Variants in CORO2A observed in about 807,000 individuals in gnomAD.
The protein encoded by CORO2A is coronin-2A.
In CORO2A, 47 loss-of-function variants were observed where a neutral mutation model predicts 62.4. That is an observed-to-expected ratio of 0.75 (90% CI 0.60 to 0.96). CORO2A has a LOEUF of 0.96. CORO2A is among the 40% of genes least tolerant of loss of function. CORO2A has a pLI of 0.00. For missense variants in CORO2A, 610 were observed against 684.1 expected (o/e 0.89, Z 1.21); for synonymous variants, 273 against 268.9 (o/e 1.02, Z -0.15).
intron 1 of CORO2A, among the ~76,000 whole-genome samples, chr9:98,177,599 T>C (rs938099417): frequency 1.3e-5 from 2 of 150,962 alleles, no homozygotes; most frequent in Non-Finnish European, 2.9e-5. Flanking sequence ...CCAGAGAAAC[T>C]GGGATTACAG....
intron 10 of CORO2A, 49 bp downstream of exon 10, chr9:98,128,121 C>A (rs2231668): frequency 1.3e-6 from 2 of 1,487,766 alleles, no homozygotes; most frequent in Non-Finnish European, 1.9e-6. Context: ...CCACTGGGCA[C>A]GCCATGTTCC....
chr9:98,150,437 T>C (rs545160602), intron 2 of CORO2A, among the ~76,000 whole-genome samples: 9 of 151,716 alleles, frequency 5.9e-5, no homozygotes, highest in Non-Finnish European at 1.2e-4. Flanking sequence ...AGGGGAATGT[T>C]TGCATGTTCT....
chr9:98,155,213 T>C (rs936936069), intron 2 of CORO2A, among the ~76,000 whole-genome samples: 2 of 152,186 alleles, frequency 1.3e-5, no homozygotes. Flanking sequence ...GGTTCAGTGT[T>C]TTGTGGATTT....
chr9:98,163,886 C>G (rs1005960397), intron 1 of CORO2A, among the ~76,000 whole-genome samples: 9 of 152,122 alleles, frequency 5.9e-5, no homozygotes, highest in African/African-American at 2.2e-4. Context: ...TGAACCCAAA[C>G]TGGGCGTGGT....
chr9:98,128,049 C>T, intron 10 of CORO2A, 121 bp downstream of exon 10: 1 of 739,500 alleles, frequency 1.4e-6, no homozygotes, highest in Non-Finnish European at 2.3e-6. Context: ...AGGTCAAGGG[C>T]ATGGCTTCTG....
intron 2 of CORO2A, among the ~76,000 whole-genome samples, chr9:98,138,018 G>A (rs1827512183): frequency 6.6e-6 from 1 of 152,232 alleles, no homozygotes; most frequent in South Asian, 2.1e-4. Flanking sequence ...TGGTAGGCAT[G>A]TAAAATGGTG....
intron 2 of CORO2A, among the ~76,000 whole-genome samples, chr9:98,148,334 T>G (rs1268509021): frequency 6.9e-6 from 1 of 144,582 alleles, no homozygotes; most frequent in Non-Finnish European, 1.5e-5. Context: ...GGCGGAGGCT[T>G]CAGTGAGCCA....
chr9:98,159,348 T>C (rs1186132784), intron 1 of CORO2A, among the ~76,000 whole-genome samples: 1 of 152,142 alleles, frequency 6.6e-6, no homozygotes, highest in African/African-American at 2.4e-5. Context: ...GCCCCTGGCC[T>C]CACATCACCC....
intron 1 of CORO2A, among the ~76,000 whole-genome samples, chr9:98,176,106 T>C (rs1828105717): frequency 6.6e-6 from 1 of 152,142 alleles, no homozygotes; most frequent in African/African-American, 2.4e-5. Context: ...AAAGCGGCAA[T>C]ATCAAAAGAT....
chr9:98,144,847 A>G (rs1282668405), intron 2 of CORO2A, among the ~76,000 whole-genome samples: 1 of 152,070 alleles, frequency 6.6e-6, no homozygotes, highest in African/African-American at 2.4e-5. Context: ...GGCTGAGGGC[A>G]TGGAGTCTAC....
intron 1 of CORO2A, among the ~76,000 whole-genome samples, chr9:98,188,552 G>A (rs1288982997): frequency 2.0e-5 from 3 of 152,114 alleles, no homozygotes; most frequent in Non-Finnish European, 2.9e-5. Context: ...ATCATTTGAG[G>A]TCAGGAGTTC....
chr9:98,172,436 C>T (rs1430852308), intron 1 of CORO2A, among the ~76,000 whole-genome samples: 1 of 118,470 alleles, frequency 8.4e-6, no homozygotes, highest in African/African-American at 3.5e-5. Flanking sequence ...AGCTCAGCCC[C>T]ACACCCCACT....
chr9:98,145,896 G>C (rs1294477062), intron 2 of CORO2A, among the ~76,000 whole-genome samples: 3 of 152,164 alleles, frequency 2.0e-5, no homozygotes, highest in African/African-American at 7.2e-5. Flanking sequence ...ATTTTTGGTA[G>C]AGACAGGGTT....
rs140641559 is a variant in CORO2A at position 98,150,418 on chromosome 9, T to C, written c.201+7042A>G. On this transcript the variant is annotated intron_variant, in intron 2 of 11. Transcript: ENST00000375077. ...ACAATGCACAGACACACCAAACCCA[T>C]TCCCACTCAGGGGAATGTTTGCATG... is the stretch of plus-strand genomic sequence containing the variant. 2.9e-3 allele frequency among the ~76,000 whole-genome samples: 439 copies of C among 151,980 alleles called. 3 individuals carry two copies. Among genetic ancestry groups the C allele is most frequent in the African/African-American group, 0.01 (422 of 41,410 alleles).
chr9:98,140,123 A>G lies in CORO2A; in HGVS notation c.202-2435T>C, dbSNP rs74393261. Among the ~76,000 whole-genome samples, 146 of 152,116 alleles carry G rather than the reference A, an allele frequency of 9.6e-4. 2 individuals are homozygous for G. The East Asian group carries it at 0.022, about 23-fold the overall frequency. ...AGGACCCAGGCCCTCGACCTCCCAC[A>G]TCCACCATCTAGTTCCAGGTTCTTG... On this transcript the variant is annotated intron_variant, in intron 2 of 11. Coordinates refer to ENST00000375077, the MANE Select transcript of CORO2A (RefSeq NM_052820.4).
intron 1 of CORO2A, among the ~76,000 whole-genome samples, chr9:98,174,139 C>CA (rs78378660): frequency 0.047 from 3,412 of 72,302 alleles, 102 homozygotes; most frequent in African/African-American, 0.12. Flanking sequence ...AAACAAAAAA[C>CA]AAAAAAAAAA....
Position 98,132,550 on chromosome 9 carries a change from G to A in CORO2A, c.649-249C>T, listed in dbSNP as rs376733891. On this transcript the variant is annotated intron_variant, in intron 5 of 11. Transcript: ENST00000375077. The stretch of plus-strand genomic sequence containing the variant: ...GAACAGAAACAAACTTCTGCCCAGC[G>A]CCCTGTTCTTGCTGAAAGAGTATTG... Among the ~76,000 whole-genome samples, 19 of 152,310 alleles carry A rather than the reference G, an allele frequency of 1.2e-4. 1 individual carries two copies. The highest frequency in any genetic ancestry group is 7.7e-4 in the East Asian group (4 of 5,186).
At chr9:98,169,082 C>T (rs981947220) in intron 1 of CORO2A, among the ~76,000 whole-genome samples, 1 of 152,146 alleles carries the variant, frequency 6.6e-6, no homozygotes, top group African/African-American at 2.4e-5. Flanking sequence ...GGAAGCAGAG[C>T]GCAGCCATCC....
chr9:98,170,176 C>G (rs56157131), intron 1 of CORO2A, among the ~76,000 whole-genome samples: 4,694 of 152,322 alleles, frequency 0.031, 103 homozygotes, highest in Non-Finnish European at 0.049. Flanking sequence ...GTCTCCTTTC[C>G]TGCCCACTGT....
Sources: gnomAD v4.1 joint callset for allele counts (sites outside exome capture counted in the v4.1 genomes callset) on GRCh38, gnomAD v4.1.1 for gene constraint, MANE v1.5 for transcripts, NCBI Gene and HGNC (gene_info 2026-07-23, HGNC 2026-07-21) for gene names.